Variants in SLC4A8 observed in about 807,000 individuals in gnomAD.
The protein encoded by SLC4A8 is solute carrier family 4 member 8, also known as electroneutral sodium bicarbonate exchanger 1.
In SLC4A8, 40 loss-of-function variants were observed where a neutral mutation model predicts 125.0. That is an observed-to-expected ratio of 0.32 (90% CI 0.25 to 0.42). The LOEUF (loss-of-function observed/expected upper bound fraction) is 0.42, where lower values mean the gene tolerates loss of function less well. SLC4A8 is among the 10% of genes least tolerant of loss of function. SLC4A8 has a pLI of 1.00. For missense variants in SLC4A8, 863 were observed against 1,355.1 expected (o/e 0.64, Z 5.70); for synonymous variants, 456 against 476.0 (o/e 0.96, Z 0.55).
At chr12:51,450,456 T>A (rs1428255364) in intron 2 of SLC4A8, among the ~76,000 whole-genome samples, 1 of 152,244 alleles carries the variant, frequency 6.6e-6, no homozygotes, top group Non-Finnish European at 1.5e-5. Context: ...GGTGGGCTGA[T>A]TTGAGCCTTA....
intron 1 of SLC4A8, among the ~76,000 whole-genome samples, chr12:51,404,104 T>G (rs1333789623): frequency 6.6e-6 from 1 of 152,206 alleles, no homozygotes; most frequent in African/African-American, 2.4e-5. Flanking sequence ...GACTCTTCCG[T>G]GTGGCCACTG....
At chr12:51,442,839 C>T (rs10876181) in intron 2 of SLC4A8, among the ~76,000 whole-genome samples, 73,180 of 151,558 alleles carry the variant, frequency 0.48, 17,929 homozygotes, top group Non-Finnish European at 0.53. Context: ...CTCCGAAGGG[C>T]AGCCCTAGGA....
At chr12:51,433,736 C>CCAA (rs1340203749) in intron 1 of SLC4A8, among the ~76,000 whole-genome samples, 4 of 152,012 alleles carry the variant, frequency 2.6e-5, no homozygotes, top group Non-Finnish European at 5.9e-5. Context: ...TTCAAACAAA[C>CCAA]TTTGTATGTG....
chr12:51,455,899 T>C (rs1239090118), intron 5 of SLC4A8, among the ~76,000 whole-genome samples: 1 of 152,206 alleles, frequency 6.6e-6, no homozygotes, highest in Non-Finnish European at 1.5e-5. Context: ...CCCATGAATG[T>C]TCCTTAAAAG....
chr12:51,406,239 A>G (rs1948485274), intron 1 of SLC4A8, among the ~76,000 whole-genome samples: 1 of 152,242 alleles, frequency 6.6e-6, no homozygotes, highest in Admixed American at 6.5e-5. Flanking sequence ...GAGATCACCA[A>G]CTGCAAATAA....
At chr12:51,432,783 G>A (rs1434146438) in intron 1 of SLC4A8, among the ~76,000 whole-genome samples, 2 of 152,116 alleles carry the variant, frequency 1.3e-5, no homozygotes, top group African/African-American at 4.8e-5. Context: ...TTTTGAAATG[G>A]TTGAATGTAT....
intron 10 of SLC4A8, chr12:51,462,922 C>T (rs1290769532): frequency 6.7e-6 from 1 of 150,220 alleles, no homozygotes; most frequent in Non-Finnish European, 1.5e-5. Context: ...ATTTGCATAG[C>T]ATAAATTGGC....
intron 16 of SLC4A8, chr12:51,480,515 T>A: frequency 1.0e-6 from 1 of 1,002,308 alleles, no homozygotes; most frequent in Non-Finnish European, 1.2e-6. Context: ...TCACTGTATG[T>A]GGATGTTCAT....
intron 2 of SLC4A8, among the ~76,000 whole-genome samples, chr12:51,447,095 G>GTCTATCT (rs1555190835): frequency 5.3e-5 from 4 of 76,184 alleles, no homozygotes; most frequent in Non-Finnish European, 1.3e-4. Flanking sequence ...TCTATCTAGA[G>GTCTATCT]ATAGGGTCTC....
intron 14 of SLC4A8, 195 bp downstream of exon 14, chr12:51,471,727 C>T (rs1490324498): frequency 1.7e-6 from 1 of 601,600 alleles, no homozygotes; most frequent in Non-Finnish European, 2.8e-6. Flanking sequence ...CAGAGAAGAT[C>T]GACTAGAAGT....
At chr12:51,481,545 C>A (rs1951026092) in intron 16 of SLC4A8, among the ~76,000 whole-genome samples, 1 of 152,054 alleles carries the variant, frequency 6.6e-6, no homozygotes, top group Admixed American at 6.6e-5. Context: ...TCAGTACAGG[C>A]CTTCTGTGGG....
chr12:51,462,445 G>A lies in SLC4A8; in HGVS notation c.1237G>A (p.Val413Ile). ...CATTAGAATTGAGCCACCCAAAAAT[G>A]TCCCTTCCCAGGTAATGTATGCACA... The part of the protein sequence containing the change: ...PSIRIEPPKN[V>I]PSQEKRKMPG... Residue 413 changes from valine (V) to isoleucine (I), a missense_variant, in exon 10 of 25, where the codon GTC (valine) becomes ATC (isoleucine). Transcript: ENST00000453097. 1 of 1,573,432 alleles carries A rather than the reference G, an allele frequency of 6.4e-7. No individual in the cohort carries two copies. Among genetic ancestry groups the A allele is most frequent in the South Asian group, 1.2e-5 (1 of 84,114 alleles).
intron 1 of SLC4A8, 51 bp downstream of exon 1, chr12:51,425,086 T>C: frequency 2.0e-6 from 3 of 1,534,850 alleles, no homozygotes; most frequent in Non-Finnish European, 2.6e-6. Context: ...CGCAGCCTCC[T>C]CATCCTCTGC....
intron 1 of SLC4A8, among the ~76,000 whole-genome samples, chr12:51,396,384 G>A (rs991693711): frequency 6.6e-6 from 1 of 152,200 alleles, no homozygotes; most frequent in Admixed American, 6.5e-5. Flanking sequence ...TGAAGGAGCA[G>A]GGCTAGGACT....
chr12:51,405,103 A>C (rs989716320), intron 1 of SLC4A8, among the ~76,000 whole-genome samples: 3 of 152,226 alleles, frequency 2.0e-5, no homozygotes, highest in African/African-American at 7.2e-5. Flanking sequence ...GAGCAGAGAA[A>C]GGGAGTTGGG....
At chr12:51,474,838 CTA>C (rs1218768539) in intron 15 of SLC4A8, among the ~76,000 whole-genome samples, 2 of 152,170 alleles carry the variant, frequency 1.3e-5, no homozygotes, top group African/African-American at 4.8e-5. Flanking sequence ...CAGAACAGTT[CTA>C]TGTCTTAGGA....
chr12:51,442,380 G>A (rs1949628394), intron 2 of SLC4A8, among the ~76,000 whole-genome samples: 1 of 152,188 alleles, frequency 6.6e-6, no homozygotes, highest in Admixed American at 6.5e-5. Flanking sequence ...AAGCACCACT[G>A]GACCTTTGCC....
chr12:51,464,176 G>T (rs1237641703), intron 11 of SLC4A8, among the ~76,000 whole-genome samples: 2 of 152,050 alleles, frequency 1.3e-5, no homozygotes, highest in African/African-American at 2.4e-5. Context: ...TTGATCTATT[G>T]TCTTTTCTGC....
chr12:51,425,302 G>A (rs1592160609), intron 1 of SLC4A8: 2 of 1,285,694 alleles, frequency 1.6e-6, no homozygotes, highest in East Asian at 3.3e-5. Flanking sequence ...CTGACAGCCG[G>A]CGGGCGGCGA....
Sources: gnomAD v4.1 joint callset for allele counts (sites outside exome capture counted in the v4.1 genomes callset) on GRCh38, gnomAD v4.1.1 for gene constraint, MANE v1.5 for transcripts, NCBI Gene and HGNC (gene_info 2026-07-23, HGNC 2026-07-21) for gene names.